Variants in DMXL1 observed in about 807,000 individuals in gnomAD.
DMXL1 encodes the protein dmX-like protein 1.
A neutral mutation model predicts 319.2 loss-of-function variants in DMXL1; 99 were observed. The ratio of observed to expected loss-of-function variants is 0.31; its 90% CI spans 0.26 to 0.37. The LOEUF is 0.37. DMXL1 is among the 10% of genes least tolerant of loss of function. The pLI, the probability that DMXL1 is intolerant of heterozygous loss-of-function variation, is 1.00. For synonymous variants in DMXL1, 1,385 were observed against 1,235.2 expected (o/e 1.12, Z -2.54); for missense variants, 3,745 against 3,595.6 (o/e 1.04, Z -1.06).
intron 1 of DMXL1, among the ~76,000 whole-genome samples, chr5:119,086,201 G>GATCT (rs1326976631): frequency 1.3e-5 from 2 of 152,128 alleles, no homozygotes; most frequent in African/African-American, 4.8e-5. Context: ...GAAACCATCA[G>GATCT]ATCTCGTGAG....
rs149170125 is a variant in DMXL1 at position 119,246,298 on chromosome 5, A to G, written c.8923-697A>G. Among the ~76,000 whole-genome samples the G allele has an allele frequency of 1.9e-3, 292 of 152,302 alleles. 1 individual carries two copies. The highest frequency in any genetic ancestry group is 3.8e-3 in the Admixed American group (58 of 15,304). On this transcript the variant is annotated intron_variant, in intron 43 of 43. Transcript: ENST00000539542. Reference sequence around the variant, plus strand: ...TGTTCTGATCCCTGGTGAGCATTCAATAATGTAAAGAAGAGATTACCTTAC... The same window carrying G: ...TGTTCTGATCCCTGGTGAGCATTCAGTAATGTAAAGAAGAGATTACCTTAC...
At chr5:119,187,506 G>A (rs1004329798) in intron 28 of DMXL1, among the ~76,000 whole-genome samples, 1 of 152,112 alleles carries the variant, frequency 6.6e-6, no homozygotes, top group African/African-American at 2.4e-5. Context: ...CAAAGAAGAG[G>A]GAGTAACTAC....
intron 9 of DMXL1, among the ~76,000 whole-genome samples, chr5:119,124,800 C>G (rs915954459): frequency 6.6e-6 from 1 of 152,058 alleles, no homozygotes; most frequent in Non-Finnish European, 1.5e-5. Context: ...TCCTGACCTC[C>G]TCGTGATCTG....
chr5:119,072,769 A>G (rs1749915916), intron 1 of DMXL1, among the ~76,000 whole-genome samples: 1 of 152,140 alleles, frequency 6.6e-6, no homozygotes, highest in Non-Finnish European at 1.5e-5. Context: ...TTTCAAATAG[A>G]GACTGTACCT....
chr5:119,161,380 T>C (rs1772233171), intron 19 of DMXL1, among the ~76,000 whole-genome samples: 1 of 152,190 alleles, frequency 6.6e-6, no homozygotes, highest in Non-Finnish European at 1.5e-5. Context: ...GTATTATCGT[T>C]TGGGTTCTGA....
At chr5:119,099,724 A>G (rs1416124158) in intron 2 of DMXL1, among the ~76,000 whole-genome samples, 1 of 152,154 alleles carries the variant, frequency 6.6e-6, no homozygotes, top group Non-Finnish European at 1.5e-5. Flanking sequence ...AATCATGGCC[A>G]TGTGTGGTGG....
In DMXL1 at chr5:119,144,596, G is replaced by C; in HGVS notation, c.2527G>C (p.Glu843Gln). The change falls in exon 15 of 44, where the codon GAG (glutamate) becomes CAG (glutamine). Residue 843 changes from glutamate (E) to glutamine (Q), a missense_variant. Physicochemically the swap from Glu to Gln is conservative, Grantham distance 29 (BLOSUM62 2). Around this residue, in one of 4 missense-constraint regions of DMXL1, gnomAD observed 2,096 missense variants for 1,985.4 expected, o/e 1.06. Coordinates refer to ENST00000539542, the MANE Select transcript of DMXL1 (RefSeq NM_001290321.3). The stretch of plus-strand genomic sequence containing the variant: ...AGAAGACTTCATTTTGAATAACCTT[G>C]AGAAGAAAAGCCTTGGCAAAGACAG... Reference protein sequence around the residue: ...FEEDFILNNLEKKSLGKDSIL... With the variant: ...FEEDFILNNLQKKSLGKDSIL... 6.3e-7 allele frequency: 1 copy of C among 1,599,502 alleles called. No homozygotes were observed.
At chr5:119,210,106 G>A (rs1305247069) in intron 34 of DMXL1, among the ~76,000 whole-genome samples, 1 of 151,846 alleles carries the variant, frequency 6.6e-6, no homozygotes, top group Admixed American at 6.6e-5. Context: ...TAACACACCC[G>A]GCTAATTTTT....
At chr5:119,101,558 A>G (rs75888948) in intron 2 of DMXL1, among the ~76,000 whole-genome samples, 4,193 of 152,324 alleles carry the variant, frequency 0.028, 182 homozygotes, top group African/African-American at 0.095. Flanking sequence ...ATGTACACTG[A>G]CAGAATTGTC....
rs375190821 is a variant in DMXL1, at chr5:119,221,077, C to T, written c.8273C>T (p.Ser2758Phe). 4.4e-6 allele frequency: 7 copies of T among 1,605,832 alleles called. No homozygotes were observed. The African/African-American group carries it at 8.1e-5, about 18-fold the overall frequency. ...LGSTQTGRGA[S>F]VMIKKAINNV... ...AGTACACAGACTGGCAGAGGAGCAT[C>T]TGTGGTATGTAAAGTTAAAAATAAA... The change falls in exon 37 of 44, where the codon TCT becomes TTT. Residue 2758 changes from serine (S) to phenylalanine (F), a missense_variant. Coordinates refer to ENST00000539542, the MANE Select transcript of DMXL1 (RefSeq NM_001290321.3).
At chr5:119,147,802 G>A (rs1051250838) in intron 17 of DMXL1, among the ~76,000 whole-genome samples, 2 of 152,148 alleles carry the variant, frequency 1.3e-5, no homozygotes, top group African/African-American at 4.8e-5. Context: ...GCTGCCTGGA[G>A]CCATGATTCT....
intron 27 of DMXL1, 119 bp downstream of exon 27, chr5:119,177,603 C>T (rs181964552): frequency 3.8e-6 from 3 of 797,546 alleles, no homozygotes; most frequent in South Asian, 2.6e-5. Context: ...GAATTGATAC[C>T]AGTTAAGTAT....
Position 119,134,134 on chromosome 5 carries a change from C to A in DMXL1, c.2210C>A (p.Ser737Tyr), listed in dbSNP as rs1193279321. Residue 737 changes from serine (S) to tyrosine (Y), a missense_variant, in exon 12 of 44, where the codon TCC (serine) becomes TAC (tyrosine). By Grantham distance (144) the Ser-to-Tyr change is moderately radical. Transcript: ENST00000539542. Reference protein sequence around the residue: ...RINSLHVSAFSNVAWLPTLIP... With the variant: ...RINSLHVSAFYNVAWLPTLIP... ...AATTCTCTTCATGTTTCTGCCTTTT[C>A]CAATGTGGCATGGCTGCCCACTCTT... 1 of 1,613,950 alleles carries A rather than the reference C, an allele frequency of 6.2e-7. No individual in the cohort carries two copies. The highest frequency in any genetic ancestry group is 8.5e-7 in the Non-Finnish European group (1 of 1,180,018).
intron 1 of DMXL1, among the ~76,000 whole-genome samples, chr5:119,091,315 C>T (rs564586218): frequency 1.3e-5 from 2 of 152,234 alleles, no homozygotes; most frequent in African/African-American, 4.8e-5. Context: ...AAGTTGTCCT[C>T]CCATCTCAGC....
intron 19 of DMXL1, among the ~76,000 whole-genome samples, chr5:119,163,127 A>G (rs573742083): frequency 6.6e-6 from 1 of 152,348 alleles, no homozygotes; most frequent in Non-Finnish European, 1.5e-5. Context: ...TCTTATTAAT[A>G]TGGTGATATG....
intron 38 of DMXL1, among the ~76,000 whole-genome samples, chr5:119,232,981 T>C (rs966112610): frequency 1.3e-5 from 2 of 151,904 alleles, no homozygotes; most frequent in African/African-American, 2.4e-5. Context: ...TACACATTAA[T>C]AGTATAATAA....
At position 119,110,174 on chromosome 5, in the gene DMXL1, A is replaced by G. The variant is rs1449300793; in HGVS notation, c.388A>G (p.Ser130Gly). The G allele has an allele frequency of 1.2e-5, 19 of 1,596,654 alleles. No individual in the cohort carries two copies. Among genetic ancestry groups the G allele is most frequent in the East Asian group, 2.3e-5 (1 of 43,840 alleles). Residue 130 changes from serine (S) to glycine (G), a missense_variant, in exon 5 of 44, where the codon AGC (serine) becomes GGC (glycine). Coordinates refer to ENST00000539542, the MANE Select transcript of DMXL1 (RefSeq NM_001290321.3). The part of the protein sequence containing the change: ...PTGSRLLTGS[S>G]YLQLWSNTNL... ...AGGCAGTCGTCTTTTAACTGGTTCC[A>G]GCTATTTGCAACTCTGGTCCAATAC...
chr5:119,206,813 G>A (rs1781828001), intron 33 of DMXL1, 21 bp from the exon 34 acceptor site: 1 of 1,466,792 alleles, frequency 6.8e-7, no homozygotes, highest in Non-Finnish European at 9.1e-7. Flanking sequence ...TTTGTCATGT[G>A]GTTATTCTTT....
Position 119,170,734 on chromosome 5 carries a change from T to G in DMXL1, c.5943T>G (p.Ile1981Met), listed in dbSNP as rs1200815027. The change falls in exon 24 of 44, where the codon ATT (isoleucine) becomes ATG (methionine). Residue 1981 changes from isoleucine to methionine, a missense_variant. Physicochemically the swap from Ile to Met is conservative, Grantham distance 10 (BLOSUM62 1). Coordinates refer to ENST00000539542, the MANE Select transcript of DMXL1 (RefSeq NM_001290321.3). ...DNDEENEDVP[I>M]SMKELKPLQR... is the part of the protein sequence containing the mutation. ...ATGAAGAAAATGAGGATGTCCCTAT[T>G]TCAATGAAAGAACTAAAACCTTTAC... The G allele has an allele frequency of 6.2e-7, 1 of 1,613,006 alleles. No homozygotes were observed. Among genetic ancestry groups the G allele is most frequent in the Admixed American group, 1.7e-5 (1 of 59,824 alleles).
Sources: allele counts gnomAD v4.1 joint callset (sites outside exome capture counted in the v4.1 genomes callset), GRCh38; gene constraint gnomAD v4.1.1; regional missense constraint gnomAD v4.1.1; transcripts MANE v1.5; gene names NCBI Gene and HGNC (gene_info 2026-07-23, HGNC 2026-07-21).